Variants in ABHD12B observed in about 807,000 individuals in gnomAD.
The protein encoded by ABHD12B is protein ABHD12B.
Under a neutral mutation model 50.4 loss-of-function variants are expected in ABHD12B, and 42 were observed. The observed-to-expected ratio is 0.83, with a 90% CI of 0.65 to 1.08. The LOEUF (loss-of-function observed/expected upper bound fraction) is 1.08, where lower values mean the gene tolerates loss of function less well. Ranked by LOEUF, ABHD12B falls within the 50% of genes least tolerant of loss-of-function variation. The pLI is 0.00. For missense variants in ABHD12B, 479 were observed against 447.7 expected, an observed-to-expected ratio of 1.07 and a Z score of -0.63; for synonymous variants, 167 against 160.3, an observed-to-expected ratio of 1.04 and a Z score of -0.32.
intron 7 of ABHD12B, 45 bp downstream of exon 7, chr14:50,885,940 T>C (rs1172046227): frequency 6.2e-7 from 1 of 1,609,186 alleles, no homozygotes; most frequent in African/African-American, 1.3e-5. Context: ...TCCTTGAGGC[T>C]TTAGTGTCCT....
Position 50,872,222 on chromosome 14 carries a change from G to T in ABHD12B, c.48G>T (p.Gly16=). 1 of 1,387,868 alleles carries T rather than the reference G, an allele frequency of 7.2e-7. No individual in the cohort carries two copies. Among genetic ancestry groups the T allele is most frequent in the Admixed American group, 2.8e-5 (1 of 35,326 alleles). The allele number at this position is 1,387,868 out of a possible 1,614,324, so 86.0% of individuals were successfully genotyped here. ...CGGCCGCATCGCCCGAGCCGCCCGG[G>T]CCCCCAGCCCGTAGCTGCGTGGCCG... is the stretch of plus-strand genomic sequence containing the variant. The part of the protein sequence containing the change: ...CQAAASPEPP[G]PPARSCVAAW... Residue 16 remains glycine (G), a synonymous_variant, in exon 1 of 13, where the codon GGG becomes GGT. Coordinates refer to ENST00000337334, the MANE Select transcript of ABHD12B (RefSeq NM_001206673.2).
intron 8 of ABHD12B, among the ~76,000 whole-genome samples, chr14:50,887,084 G>A (rs781389739): frequency 1.4e-4 from 21 of 151,680 alleles, no homozygotes; most frequent in Admixed American, 2.0e-4. Context: ...CACAGTGGTG[G>A]GTGCCTGTAA....
At chr14:50,895,049 T>G (rs1425589378) in intron 9 of ABHD12B, among the ~76,000 whole-genome samples, 16 of 149,758 alleles carry the variant, frequency 1.1e-4, no homozygotes, top group Admixed American at 1.1e-3. Flanking sequence ...TAATGCTCCT[T>G]TTTCTTTATC....
At chr14:50,873,303 A>G (rs956776612) in intron 1 of ABHD12B, among the ~76,000 whole-genome samples, 2 of 151,182 alleles carry the variant, frequency 1.3e-5, no homozygotes, top group Non-Finnish European at 2.9e-5. Context: ...GCTCATTCCC[A>G]GGGCTCCAGC....
At chr14:50,881,254 T>A (rs1374898053) in intron 4 of ABHD12B, among the ~76,000 whole-genome samples, 3 of 151,826 alleles carry the variant, frequency 2.0e-5, no homozygotes, top group African/African-American at 4.8e-5. Context: ...GCGATGTGCC[T>A]CAGAAACACA....
intron 9 of ABHD12B, among the ~76,000 whole-genome samples, chr14:50,897,433 C>CT (rs527728614): frequency 6.6e-6 from 1 of 152,150 alleles, no homozygotes. Flanking sequence ...AAATGTCCAC[C>CT]TTTTTTGTGA....
At chr14:50,897,902 A>G (rs2050216419) in intron 9 of ABHD12B, among the ~76,000 whole-genome samples, 1 of 152,196 alleles carries the variant, frequency 6.6e-6, no homozygotes, top group Admixed American at 6.5e-5. Context: ...ATTAGGCTAA[A>G]GTGTTATGTA....
chr14:50,878,556 G>GT (rs1277545470), intron 2 of ABHD12B, among the ~76,000 whole-genome samples, 189 bp from the exon 3 acceptor site: 1 of 152,096 alleles, frequency 6.6e-6, no homozygotes, highest in Non-Finnish European at 1.5e-5. Flanking sequence ...TAGCTTTTAG[G>GT]TTTTTGTTTT....
intron 3 of ABHD12B, 44 bp from the exon 4 acceptor site, chr14:50,880,408 G>T (rs964116927): frequency 6.5e-7 from 1 of 1,532,216 alleles, no homozygotes; most frequent in Non-Finnish European, 8.8e-7. Context: ...AAAGGATGGA[G>T]AATTCCTCTT....
At chr14:50,873,312 G>A (rs1212395384) in intron 1 of ABHD12B, among the ~76,000 whole-genome samples, 2 of 151,906 alleles carry the variant, frequency 1.3e-5, no homozygotes, top group Non-Finnish European at 1.5e-5. Flanking sequence ...CAGGGCTCCA[G>A]CGATCCTCCC....
In ABHD12B at chr14:50,872,291, C is replaced by G. The variant is rs772753106; in HGVS notation, c.104+13C>G. On this transcript the variant is annotated intron_variant, in intron 1 of 12. Transcript: ENST00000337334. ...ACCGCAACCTGCGGTGAGTACCGCC[C>G]GGTCCACCCCTGGCCGGGCCCCGAC... 6 of 1,295,654 alleles carry G rather than the reference C, an allele frequency of 4.6e-6. No individual in the cohort carries two copies. Among genetic ancestry groups the G allele is most frequent in the Admixed American group, 3.8e-5 (1 of 26,232 alleles). The allele number at this position is 1,295,654 out of a possible 1,614,324, so 80.3% of individuals were successfully genotyped here.
rs2049927159 is a variant in ABHD12B, at chr14:50,880,580, C to T, written c.455+9C>T. ...GGCAGTGCAGAACACAGGTCAGTGG[C>T]TCTGCTTACATATTTTTTTTTCAGG... On this transcript the variant is annotated intron_variant, in intron 4 of 12. Coordinates refer to ENST00000337334, the MANE Select transcript of ABHD12B (RefSeq NM_001206673.2). The T allele has an allele frequency of 2.6e-6, 4 of 1,554,292 alleles. No individual in the cohort carries two copies. The highest frequency in any genetic ancestry group is 2.6e-6 in the Non-Finnish European group (3 of 1,150,678).
At chr14:50,872,538 T>C (rs2049801749) in intron 1 of ABHD12B, among the ~76,000 whole-genome samples, 1 of 152,212 alleles carries the variant, frequency 6.6e-6, no homozygotes, top group Non-Finnish European at 1.5e-5. Context: ...TTATAACTTT[T>C]GGGGGCTTCT....
At chr14:50,875,041 G>A (rs2049842177) in intron 1 of ABHD12B, among the ~76,000 whole-genome samples, 1 of 152,212 alleles carries the variant, frequency 6.6e-6, no homozygotes, top group Non-Finnish European at 1.5e-5. Flanking sequence ...CTAGACAGAG[G>A]GAAATGTAAA....
chr14:50,901,098 C>T (rs2050255912), intron 9 of ABHD12B, among the ~76,000 whole-genome samples: 1 of 152,096 alleles, frequency 6.6e-6, no homozygotes, highest in Non-Finnish European at 1.5e-5. Flanking sequence ...GTTTTGGAGG[C>T]AGGATTCAAA....
At chr14:50,891,657 C>T (rs2050121996) in intron 9 of ABHD12B, 1 of 152,202 alleles carries the variant, frequency 6.6e-6, no homozygotes, top group Non-Finnish European at 1.5e-5. Flanking sequence ...TCAAGATACT[C>T]TTCTATGTTG....
chr14:50,885,769 T>G lies in ABHD12B; in HGVS notation c.536T>G (p.Phe179Cys), dbSNP rs145536989. 12 of 1,614,164 alleles carry G rather than the reference T, an allele frequency of 7.4e-6. No individual in the cohort carries two copies. The African/African-American group carries it at 8.0e-5, about 11-fold the overall frequency. The change falls in exon 7 of 13, where the codon TTT (phenylalanine) becomes TGT (cysteine). Residue 179 changes from phenylalanine (F) to cysteine (C), a missense_variant. Phe to Cys is a radical substitution (Grantham distance 205). Transcript: ENST00000337334. ...FHVLSVDYRG[F>C]GDSTGKPTEE... ...GTTTGCCTTTTCTTGCTGCCAGGATTTGGGGACTCTACAGGTAAGCCCACA... is the reference window on the plus strand; with the variant it reads ...GTTTGCCTTTTCTTGCTGCCAGGATGTGGGGACTCTACAGGTAAGCCCACA...
At chr14:50,890,515 T>A (rs965131687) in intron 9 of ABHD12B, among the ~76,000 whole-genome samples, 6 of 152,230 alleles carry the variant, frequency 3.9e-5, no homozygotes, top group African/African-American at 1.4e-4. Flanking sequence ...TGTACATGCA[T>A]CTCTGAGCAA....
chr14:50,894,293 G>A (rs182734633), intron 9 of ABHD12B, among the ~76,000 whole-genome samples: 48 of 151,924 alleles, frequency 3.2e-4, no homozygotes, highest in East Asian at 2.7e-3. Context: ...ACCCCCAATC[G>A]CTTATTTCTG....
Sources: gnomAD v4.1 joint callset for allele counts (sites outside exome capture counted in the v4.1 genomes callset) on GRCh38, gnomAD v4.1.1 for gene constraint, MANE v1.5 for transcripts, NCBI Gene and HGNC (gene_info 2026-07-23, HGNC 2026-07-21) for gene names.